The following TOM1 variants were observed in gnomAD, a reference collection of about 807,000 sequenced individuals.
The protein encoded by TOM1 is target of myb1 membrane trafficking protein, also known as target of Myb protein 1.
In TOM1, 38 loss-of-function variants were observed where a neutral mutation model predicts 61.3. The observed-to-expected ratio is 0.62, with a 90% CI of 0.48 to 0.81. The LOEUF is 0.81. Ranked by LOEUF, TOM1 falls within the 40% of genes least tolerant of loss-of-function variation. The pLI is 0.00. For synonymous variants in TOM1, 270 were observed against 268.8 expected, an observed-to-expected ratio of 1.00 and a Z score of -0.04; for missense variants, 591 against 659.6, an observed-to-expected ratio of 0.90 and a Z score of 1.14.
In TOM1 at chr22:35,302,330, C is replaced by CTTTT. The variant is rs138734; in HGVS notation, c.52+2369_52+2372dup. 1.2e-3 allele frequency among the ~76,000 whole-genome samples: 87 copies of CTTTT among 70,854 alleles called. 1 individual carries two copies. The highest frequency in any genetic ancestry group is 6.6e-3 in the South Asian group (10 of 1,518). 46.5% of individuals were successfully genotyped at this position (70,854 alleles called of 152,430 possible). A position where few individuals can be genotyped will look rare whatever the true frequency, so the allele number is the denominator to read the frequency against. The stretch of plus-strand genomic sequence containing the variant: ...TTTTTTTCTTTTTCTTTTTCTTTTT[C>CTTTT]TTTTTTTTTTTTTTTTTTTTTTGAG... On this transcript the variant is annotated intron_variant, in intron 1 of 14. Transcript: ENST00000449058.
chr22:35,312,535 G>A (rs558577716), intron 1 of TOM1, among the ~76,000 whole-genome samples: 1 of 152,362 alleles, frequency 6.6e-6, no homozygotes, highest in East Asian at 1.9e-4. Context: ...CTCTGGCTTT[G>A]AATCTGCTGT....
At chr22:35,337,270 G>A (rs535470692) in intron 11 of TOM1, among the ~76,000 whole-genome samples, 50 of 152,282 alleles carry the variant, frequency 3.3e-4, no homozygotes, top group South Asian at 2.5e-3. Flanking sequence ...GGGTTTCTGC[G>A]TGTTCTGGGG....
upstream of TOM1, chr22:35,299,848 A>G (rs2145589245): frequency 1.4e-6 from 2 of 1,469,800 alleles, no homozygotes; most frequent in Middle Eastern, 3.7e-4. Flanking sequence ...CCGGCCTCCG[A>G]GTGCGTCACG....
chr22:35,326,758 G>A (rs1007735431), intron 6 of TOM1, among the ~76,000 whole-genome samples: 4 of 151,536 alleles, frequency 2.6e-5, no homozygotes, highest in East Asian at 1.9e-4. Context: ...GAGAGACGGC[G>A]GGATCCCAGT....
At chr22:35,336,619 C>T (rs567898847) in intron 11 of TOM1, 4 of 152,398 alleles carry the variant, frequency 2.6e-5, no homozygotes, top group East Asian at 1.9e-4. Flanking sequence ...CCGCTTTGTC[C>T]GCATCTTCGT....
intron 1 of TOM1, among the ~76,000 whole-genome samples, chr22:35,304,227 GAT>G (rs1926109562): frequency 6.6e-6 from 1 of 152,096 alleles, no homozygotes; most frequent in Non-Finnish European, 1.5e-5. Flanking sequence ...CTTTTGAATT[GAT>G]GTCTGTCCCA....
At chr22:35,330,107 G>A (rs1355264996) in intron 7 of TOM1, among the ~76,000 whole-genome samples, 5 of 151,836 alleles carry the variant, frequency 3.3e-5, no homozygotes, top group African/African-American at 1.2e-4. Flanking sequence ...GCGAAACCCC[G>A]TCTCTACTAA....
chr22:35,307,236 C>A (rs554592119), intron 1 of TOM1, among the ~76,000 whole-genome samples: 1 of 152,112 alleles, frequency 6.6e-6, no homozygotes, highest in African/African-American at 2.4e-5. Flanking sequence ...TTATTATTTT[C>A]GTAGGGTTTT....
intron 12 of TOM1, among the ~76,000 whole-genome samples, chr22:35,340,192 G>T (rs898849063): frequency 6.6e-6 from 1 of 152,238 alleles, no homozygotes; most frequent in Non-Finnish European, 1.5e-5. Flanking sequence ...GGACCTGGGA[G>T]TCCAGGGAGT....
chr22:35,341,477 T>A lies in TOM1; in HGVS notation c.1224+2689T>A, dbSNP rs558718871. On this transcript the variant is annotated intron_variant, in intron 12 of 14. Coordinates refer to ENST00000449058, the MANE Select transcript of TOM1 (RefSeq NM_005488.3). ...GTGCAAAGGAGAGTGAGTGGAGGTG[T>A]GTGTCTCCCTCCTCAGCCTCAGGCT... 2.3e-4 allele frequency among the ~76,000 whole-genome samples: 35 copies of A among 152,234 alleles called. No homozygotes were observed. In the East Asian group the frequency reaches 5.2e-3, roughly 23 times the overall value.
At chr22:35,343,756 TACACCTACACATAC>T (rs1435564071) in intron 12 of TOM1, among the ~76,000 whole-genome samples, 1 of 78,242 alleles carries the variant, frequency 1.3e-5, no homozygotes, top group African/African-American at 4.6e-5. Context: ...CACACACCCC[TACACCTACACATAC>T]ACACCTACAC....
At chr22:35,328,664 G>T (rs542685494) in intron 7 of TOM1, among the ~76,000 whole-genome samples, 1 of 152,318 alleles carries the variant, frequency 6.6e-6, no homozygotes, top group African/African-American at 2.4e-5. Flanking sequence ...AAAGGCACCC[G>T]CCCTGTCCCC....
chr22:35,327,505 T>C (rs750649369), intron 7 of TOM1, 118 bp downstream of exon 7: 61 of 715,536 alleles, frequency 8.5e-5, no homozygotes, highest in East Asian at 5.2e-4. Context: ...TTGGTCACAG[T>C]TGGGGACATG....
chr22:35,307,135 T>C (rs138764), intron 1 of TOM1, among the ~76,000 whole-genome samples: 77,323 of 152,034 alleles, frequency 0.51, 22,694 homozygotes, highest in Non-Finnish European at 0.65. Context: ...ACTGCCTTAC[T>C]AAGGAGATCT....
Position 35,337,759 on chromosome 22 carries a change from C to T in TOM1, c.1149-954C>T, listed in dbSNP as rs572367609. On this transcript the variant is annotated intron_variant, in intron 11 of 14. Coordinates refer to ENST00000449058, the MANE Select transcript of TOM1 (RefSeq NM_005488.3). The stretch of plus-strand genomic sequence containing the variant: ...AGGTGGCCTTGTTCCTAACAGGAAT[C>T]GCAGGCCTTTCCCTTTGTGACCAGA... Among the ~76,000 whole-genome samples the T allele has an allele frequency of 3.3e-5, 5 of 152,214 alleles. No individual in the cohort carries two copies. In the South Asian group the frequency reaches 1.0e-3, roughly 31 times the overall value.
At chr22:35,308,799 T>C (rs116653081) in intron 1 of TOM1, among the ~76,000 whole-genome samples, 49 of 152,348 alleles carry the variant, frequency 3.2e-4, no homozygotes, top group African/African-American at 1.2e-3. Context: ...TTTCCTTTTG[T>C]TAGGTACTAT....
chr22:35,313,118 G>A (rs959266170), intron 1 of TOM1, among the ~76,000 whole-genome samples: 2 of 152,106 alleles, frequency 1.3e-5, no homozygotes, highest in African/African-American at 2.4e-5. Flanking sequence ...AGGCCAAGGC[G>A]GGTGGATCAC....
rs1300205352 is a variant in TOM1 at position 35,299,904 on chromosome 22, G to C, written c.-25G>C. 9 of 1,576,018 alleles carry C rather than the reference G, an allele frequency of 5.7e-6. No homozygotes were observed. Among genetic ancestry groups the C allele is most frequent in the Non-Finnish European group, 7.8e-6 (9 of 1,159,342 alleles). ...CGGTTGCTGTCAGCTGATTCCCGGGGTTGGTGGCAGCGGCGGTAGCAGCAA... is the reference window on the plus strand; with the variant it reads ...CGGTTGCTGTCAGCTGATTCCCGGGCTTGGTGGCAGCGGCGGTAGCAGCAA... On this transcript the variant is annotated 5_prime_UTR_variant, in exon 1 of 15. Transcript: ENST00000449058.
chr22:35,307,474 G>T (rs1230970742), intron 1 of TOM1, among the ~76,000 whole-genome samples: 1 of 152,198 alleles, frequency 6.6e-6, no homozygotes, highest in Non-Finnish European at 1.5e-5. Flanking sequence ...AGCCTGAAAT[G>T]GGGTCACAGC....
Sources: allele counts gnomAD v4.1 joint callset (sites outside exome capture counted in the v4.1 genomes callset), GRCh38; gene constraint gnomAD v4.1.1; transcripts MANE v1.5; gene names NCBI Gene and HGNC (gene_info 2026-07-23, HGNC 2026-07-21).